Variants in MTMR12 observed in about 807,000 individuals in gnomAD.
MTMR12 encodes the protein myotubularin related protein 12, also known as myotubularin-related protein 12.
A neutral mutation model predicts 96.7 loss-of-function variants in MTMR12; 33 were observed. The observed-to-expected ratio is 0.34, with a 90% CI of 0.26 to 0.46. The LOEUF is 0.46. MTMR12 is among the 20% of genes least tolerant of loss of function. The pLI, the probability that MTMR12 is intolerant of heterozygous loss-of-function variation, is 1.00. For missense variants in MTMR12, 721 were observed against 896.1 expected (o/e 0.80, Z 2.49); for synonymous variants, 298 against 327.2 (o/e 0.91, Z 0.96).
chr5:32,248,949 TTA>T, intron 8 of MTMR12, 71 bp from the exon 9 acceptor site: 2 of 1,163,526 alleles, frequency 1.7e-6, no homozygotes, highest in Non-Finnish European at 2.6e-6. Context: ...AGCTTAGCAT[TTA>T]AATGCATACA....
chr5:32,300,705 G>A (rs1751107206), intron 1 of MTMR12, among the ~76,000 whole-genome samples: 1 of 151,750 alleles, frequency 6.6e-6, no homozygotes, highest in African/African-American at 2.4e-5. Context: ...TATTCAGCAG[G>A]TAGCAGAAAG....
chr5:32,233,473 A>AC lies in MTMR12; in HGVS notation c.1674+299_1674+300insG, dbSNP rs1748084676. On this transcript the variant is annotated intron_variant, in intron 15 of 15. Transcript: ENST00000382142. This position sits in a 1 kb window ranked among gnomAD's most constrained non-coding sequence, Gnocchi z 5.0. ...CTCTACTAACACACACACACACACA[A>AC]ACACACACACACACACACACACACA... is the stretch of plus-strand genomic sequence containing the variant. 0.015 allele frequency among the ~76,000 whole-genome samples: 907 copies of AC among 59,984 alleles called. 13 individuals are homozygous for AC. Among genetic ancestry groups the AC allele is most frequent in the African/African-American group, 0.039 (840 of 21,770 alleles). The allele number at this position is 59,984 out of a possible 152,430, so 39.4% of individuals were successfully genotyped here.
At chr5:32,248,318 G>A (rs974258495) in intron 9 of MTMR12, among the ~76,000 whole-genome samples, 192 bp from the exon 10 acceptor site, 1 of 152,200 alleles carries the variant, frequency 6.6e-6, no homozygotes. Flanking sequence ...AAGTAAAACT[G>A]CCTGGCCCAA....
Position 32,285,461 on chromosome 5 carries a change from C to T in MTMR12, c.82-8719G>A, listed in dbSNP as rs553256696. 9.2e-5 allele frequency among the ~76,000 whole-genome samples: 14 copies of T among 152,104 alleles called. No homozygotes were observed. In the South Asian group the frequency reaches 1.7e-3, roughly 18 times the overall value. On this transcript the variant is annotated intron_variant, in intron 1 of 15. Coordinates refer to ENST00000382142, the MANE Select transcript of MTMR12 (RefSeq NM_001040446.3). ...GATTATAGGTGTGAGCCCCCTGCCC[C>T]GCCACTGTTAATTCCTTACTTCAAC...
Position 32,228,723 on chromosome 5 carries a change from G to A in MTMR12, c.*1055C>T, listed in dbSNP as rs921246972. The A allele has an allele frequency of 1.3e-5, 2 of 150,326 alleles. No individual in the cohort carries two copies. Among genetic ancestry groups the A allele is most frequent in the African/African-American group, 4.9e-5 (2 of 40,614 alleles). The allele number at this position is 150,326 out of a possible 1,614,324, so 9.3% of individuals were successfully genotyped here. A position where few individuals can be genotyped will look rare whatever the true frequency, so the allele number is the denominator to read the frequency against. On this transcript the variant is annotated 3_prime_UTR_variant, in exon 16 of 16. Coordinates refer to ENST00000382142, the MANE Select transcript of MTMR12 (RefSeq NM_001040446.3). ...CTTCTATGGCTTTTAAAATCACTGA[G>A]GTATCATATGATAATCATCACTTCT...
At chr5:32,302,627 G>A (rs1751196797) in intron 1 of MTMR12, among the ~76,000 whole-genome samples, 1 of 151,810 alleles carries the variant, frequency 6.6e-6, no homozygotes, top group African/African-American at 2.4e-5. Flanking sequence ...TGAGGCAGGC[G>A]AATCGCTTGA....
intron 8 of MTMR12, among the ~76,000 whole-genome samples, chr5:32,250,077 T>C (rs1033743352): frequency 6.6e-6 from 1 of 152,244 alleles, no homozygotes; most frequent in Non-Finnish European, 1.5e-5. Context: ...AGCAGTGGCG[T>C]AGACCGAGAG....
In MTMR12 at chr5:32,233,651, C is replaced by T; in HGVS notation, c.1674+122G>A. 1 of 1,371,486 alleles carries T rather than the reference C, an allele frequency of 7.3e-7. No individual in the cohort carries two copies. The highest frequency in any genetic ancestry group is 1.0e-6 in the Non-Finnish European group (1 of 988,800). The allele number at this position is 1,371,486 out of a possible 1,614,324, so 85.0% of individuals were successfully genotyped here. On this transcript the variant is annotated intron_variant, in intron 15 of 15. Transcript: ENST00000382142. The surrounding 1 kb of genome is among the most constrained non-coding windows in gnomAD (Gnocchi z 5.0). ...TTGACAATTTGACCATCACAAGTCT[C>T]AACTCTGCAGACTGCTTCGAGGGGT...
In MTMR12 at chr5:32,229,814, T is replaced by C; in HGVS notation, c.2208A>G (p.Lys736=). 6.4e-7 allele frequency: 1 copy of C among 1,562,152 alleles called. No individual in the cohort carries two copies. The highest frequency in any genetic ancestry group is 2.0e-5 in the Admixed American group (1 of 51,126). ...CTAGGTCCACGAACTCATCTTCTCG[T>C]TTGGCCAAATCGTCTTCATCTCCCA... ...KALGDEDDLA[K]REDEFVDLGD... The change falls in exon 16 of 16, where the codon AAA becomes AAG. Residue 736 remains lysine, a synonymous_variant. Coordinates refer to ENST00000382142, the MANE Select transcript of MTMR12 (RefSeq NM_001040446.3).
chr5:32,285,357 CA>C (rs35792337), intron 1 of MTMR12, among the ~76,000 whole-genome samples: 43,281 of 109,450 alleles, frequency 0.4, 6,549 homozygotes, highest in East Asian at 0.53. Context: ...GATTCCATTT[CA>C]AAAAAAAAAA....
chr5:32,228,535 A>T lies in MTMR12; in HGVS notation c.*1243T>A, dbSNP rs1022561033. The T allele has an allele frequency of 3.0e-5, 4 of 134,698 alleles. No individual in the cohort carries two copies. The highest frequency in any genetic ancestry group is 9.5e-5 in the African/African-American group (3 of 31,662). The allele number at this position is 134,698 out of a possible 1,614,324, so 8.3% of individuals were successfully genotyped here. On this transcript the variant is annotated 3_prime_UTR_variant, in exon 16 of 16. Coordinates refer to ENST00000382142, the MANE Select transcript of MTMR12 (RefSeq NM_001040446.3). ...AAAAAAAATATATATCATATATATG[A>T]TATATATATCATATATATGTGATAT...
At chr5:32,254,372 C>G (rs1749061228) in intron 8 of MTMR12, among the ~76,000 whole-genome samples, 1 of 152,180 alleles carries the variant, frequency 6.6e-6, no homozygotes, top group Admixed American at 6.5e-5. Context: ...GGCCACCCAA[C>G]TGTACTGATG....
intron 1 of MTMR12, among the ~76,000 whole-genome samples, chr5:32,281,595 T>C (rs1750296094): frequency 6.6e-6 from 1 of 152,184 alleles, no homozygotes; most frequent in African/African-American, 2.4e-5. Flanking sequence ...AGTAGACCAA[T>C]GGCTTTCTTA....
At chr5:32,244,970 T>C (rs894466692) in intron 10 of MTMR12, among the ~76,000 whole-genome samples, 1 of 152,162 alleles carries the variant, frequency 6.6e-6, no homozygotes, top group African/African-American at 2.4e-5. Context: ...AATTTAACCA[T>C]GTCATTGCAG....
intron 8 of MTMR12, among the ~76,000 whole-genome samples, chr5:32,253,429 T>C (rs1749019734): frequency 6.6e-6 from 1 of 152,164 alleles, no homozygotes; most frequent in Admixed American, 6.5e-5. Flanking sequence ...TCCAGTCAAA[T>C]GAAAATTTTA....
intron 1 of MTMR12, chr5:32,309,548 A>G (rs1751496869): frequency 6.6e-6 from 1 of 152,240 alleles, no homozygotes; most frequent in Non-Finnish European, 1.5e-5. Context: ...AAAAATGGAG[A>G]CAAGATCTGA....
At chr5:32,279,844 T>C (rs146837525) in intron 1 of MTMR12, among the ~76,000 whole-genome samples, 12 of 152,334 alleles carry the variant, frequency 7.9e-5, no homozygotes, top group East Asian at 7.7e-4. Flanking sequence ...ATAGGGTTCA[T>C]GCTCCTATAA....
At chr5:32,241,135 C>G (rs1561745707) in intron 12 of MTMR12, among the ~76,000 whole-genome samples, 1 of 152,212 alleles carries the variant, frequency 6.6e-6, no homozygotes, top group East Asian at 1.9e-4. Context: ...GACCTCCAAT[C>G]TTTATCCCTC....
At position 32,249,027 on chromosome 5, in the gene MTMR12, T is replaced by C. The variant is rs73752850; in HGVS notation, c.790-149A>G. ...TAACTTTATTAAGCCTGGGAGTATT[T>C]AGTCACAATGAAAAAGAATGATTTA... On this transcript the variant is annotated intron_variant, in intron 8 of 15. Coordinates refer to ENST00000382142, the MANE Select transcript of MTMR12 (RefSeq NM_001040446.3). 9 of 636,782 alleles carry C rather than the reference T, an allele frequency of 1.4e-5. No homozygotes were observed. The Admixed American group carries it at 2.2e-4, about 16-fold the overall frequency. 39.4% of individuals were successfully genotyped at this position (636,782 alleles called of 1,614,324 possible).
Sources: gnomAD v4.1 joint callset for allele counts (sites outside exome capture counted in the v4.1 genomes callset) on GRCh38, gnomAD v4.1.1 for gene constraint, Gnocchi (gnomAD v3.1) non-coding constraint, MANE v1.5 for transcripts, NCBI Gene and HGNC (gene_info 2026-07-23, HGNC 2026-07-21) for gene names.